Variants in SLC22A8 observed in about 807,000 individuals in gnomAD.
SLC22A8 encodes the protein organic anion transporter 3.
SLC22A8 carries 40 observed loss-of-function variants against 48.4 expected under a neutral mutation model. That is an observed-to-expected ratio of 0.83 (90% CI 0.64 to 1.08). The LOEUF (loss-of-function observed/expected upper bound fraction) is 1.08, where lower values mean the gene tolerates loss of function less well. Ranked by LOEUF, SLC22A8 falls within the 50% of genes least tolerant of loss-of-function variation. SLC22A8 has a pLI of 0.00. For synonymous variants in SLC22A8, 268 were observed against 286.3 expected (o/e 0.94, Z 0.65); for missense variants, 606 against 699.0 (o/e 0.87, Z 1.50).
At chr11:63,009,419 G>A (rs920096353) in intron 2 of SLC22A8, among the ~76,000 whole-genome samples, 3 of 152,098 alleles carry the variant, frequency 2.0e-5, no homozygotes, top group Non-Finnish European at 2.9e-5. Flanking sequence ...AGACAAGGCA[G>A]GGAGGCTCAA....
intron 8 of SLC22A8, 162 bp downstream of exon 8, chr11:62,994,380 C>A: frequency 1.6e-6 from 1 of 619,204 alleles, no homozygotes; most frequent in Non-Finnish European, 2.9e-6. Context: ...TGTCATCTAG[C>A]CCAATTGCGT....
At chr11:62,994,819 T>C in intron 7 of SLC22A8, 63 bp from the exon 8 acceptor site, 1 of 1,232,764 alleles carries the variant, frequency 8.1e-7, no homozygotes, top group East Asian at 2.3e-5. Flanking sequence ...CCCATGCTGG[T>C]CATTGGGTCA....
intron 2 of SLC22A8, among the ~76,000 whole-genome samples, chr11:63,008,336 C>T (rs1318801411): frequency 6.6e-6 from 1 of 152,080 alleles, no homozygotes; most frequent in Non-Finnish European, 1.5e-5. Flanking sequence ...AGTTCAGGGG[C>T]CTTTTGGAGC....
intron 7 of SLC22A8, chr11:62,995,304 A>G (rs1458238029): frequency 4.0e-6 from 1 of 252,506 alleles, no homozygotes; most frequent in African/African-American, 2.2e-5. Context: ...TGAGATAAAC[A>G]TAATTTTTGT....
In SLC22A8 at chr11:62,999,712, T is replaced by A; in HGVS notation, c.568A>T (p.Ile190Phe). ...RFLCGFGISG[I>F]TLSTVILNVE... Reference sequence around the variant, plus strand: ...CTCAAGATGACGGTGCTCAGGGTAATGCCTGAGATGCCAAAGCCACACAGG... The same window carrying A: ...CTCAAGATGACGGTGCTCAGGGTAAAGCCTGAGATGCCAAAGCCACACAGG... The change falls in exon 4 of 11, where the codon ATT becomes TTT. Residue 190 changes from isoleucine (I) to phenylalanine (F), a missense_variant. Coordinates refer to ENST00000336232, the MANE Select transcript of SLC22A8 (RefSeq NM_004254.4). The A allele has an allele frequency of 6.3e-7, 1 of 1,598,074 alleles. No individual in the cohort carries two copies. Among genetic ancestry groups the A allele is most frequent in the South Asian group, 1.1e-5 (1 of 88,694 alleles).
At chr11:63,015,061 G>T in intron 1 of SLC22A8, 78 bp from the exon 2 acceptor site, 1 of 902,270 alleles carries the variant, frequency 1.1e-6, no homozygotes, top group Non-Finnish European at 1.7e-6. Flanking sequence ...TATGTGGGAG[G>T]GTGAACCAGG....
intron 2 of SLC22A8, 100 bp from the exon 3 acceptor site, chr11:63,000,923 G>A (rs970752028): frequency 7.9e-6 from 7 of 891,292 alleles, no homozygotes; most frequent in South Asian, 4.3e-5. Flanking sequence ...CTCTCCCAGC[G>A]CCCTGACTTT....
rs1346705811 is a variant in SLC22A8 at position 62,995,806 on chromosome 11, T to C, written c.899A>G (p.Asn300Ser). The change falls in exon 7 of 11, where the codon AAC becomes AGC. Residue 300 changes from asparagine (N) to serine (S), a missense_variant. Asn to Ser is a conservative substitution (Grantham distance 46, BLOSUM62 1). Transcript: ENST00000336232. ...ERLSLEELKL[N>S]LQKEISLAKA... ...GGCCAAGGAGATCTCCTTCTGCAGG[T>C]TGAGTTTGAGCTCCTTCGGGCAGAG... 3.1e-6 allele frequency: 5 copies of C among 1,613,686 alleles called. No individual in the cohort carries two copies. In the Admixed American group the frequency reaches 5.0e-5, roughly 16 times the overall value.
At chr11:63,008,799 C>T (rs765729637) in intron 2 of SLC22A8, among the ~76,000 whole-genome samples, 9 of 152,290 alleles carry the variant, frequency 5.9e-5, no homozygotes, top group Non-Finnish European at 1.3e-4. Flanking sequence ...TCTGTAAAAG[C>T]TTGACCCACC....
At position 62,996,088 on chromosome 11, in the gene SLC22A8, G is replaced by A; in HGVS notation, c.826C>T (p.Leu276Phe). ...CCATTGAAGACAGCCACCCGCCGGAGTATCTTCAGGGCCTTCGAGGACTTT... is the reference window on the plus strand; with the variant it reads ...CCATTGAAGACAGCCACCCGCCGGAATATCTTCAGGGCCTTCGAGGACTTT... ...SGKSSKALKI[L>F]RRVAVFNGKK... Residue 276 changes from leucine to phenylalanine, a missense_variant, in exon 6 of 11, where the codon CTC becomes TTC. Physicochemically the swap from Leu to Phe is conservative, Grantham distance 22. Coordinates refer to ENST00000336232, the MANE Select transcript of SLC22A8 (RefSeq NM_004254.4). The A allele has an allele frequency of 6.2e-7, 1 of 1,614,046 alleles. No homozygotes were observed. The highest frequency in any genetic ancestry group is 1.7e-4 in the Middle Eastern group (1 of 6,058).
chr11:62,999,199 G>A (rs1849473014), intron 4 of SLC22A8, 110 bp from the exon 5 acceptor site: 2 of 911,806 alleles, frequency 2.2e-6, no homozygotes, highest in Non-Finnish European at 3.5e-6. Flanking sequence ...CCTCCCCACG[G>A]ATGCTGTTGA....
intron 2 of SLC22A8, among the ~76,000 whole-genome samples, chr11:63,005,700 G>A (rs1167477109): frequency 6.6e-6 from 1 of 152,136 alleles, no homozygotes; most frequent in South Asian, 2.1e-4. Flanking sequence ...GGACTGATGC[G>A]TCTACAAGCT....
At chr11:63,010,151 T>C (rs1428217171) in intron 2 of SLC22A8, among the ~76,000 whole-genome samples, 1 of 152,226 alleles carries the variant, frequency 6.6e-6, no homozygotes, top group African/African-American at 2.4e-5. Context: ...CTGGGCTCAG[T>C]ACTGTGCTTG....
intron 7 of SLC22A8, 56 bp from the exon 8 acceptor site, chr11:62,994,812 A>G (rs2135116619): frequency 1.5e-6 from 2 of 1,342,196 alleles, no homozygotes; most frequent in East Asian, 4.6e-5. Flanking sequence ...GCCACTCCCC[A>G]TGCTGGTCAT....
chr11:62,998,247 C>T (rs530211032), intron 5 of SLC22A8, among the ~76,000 whole-genome samples: 23 of 150,276 alleles, frequency 1.5e-4, no homozygotes, highest in East Asian at 5.8e-4. Flanking sequence ...CCACCGTGCC[C>T]GGCCAGCTCT....
At chr11:63,000,060 G>A (rs906924528) in intron 3 of SLC22A8, among the ~76,000 whole-genome samples, 3 of 152,174 alleles carry the variant, frequency 2.0e-5, no homozygotes, top group Non-Finnish European at 2.9e-5. Flanking sequence ...CTCTACATCC[G>A]CCTCAGCTTA....
intron 4 of SLC22A8, 75 bp from the exon 5 acceptor site, chr11:62,999,164 T>G (rs1425228412): frequency 1.5e-6 from 2 of 1,320,044 alleles, no homozygotes; most frequent in African/African-American, 2.9e-5. Context: ...GGCACCAGCT[T>G]CTGCATCCCC....
chr11:63,000,831 A>G lies in SLC22A8; in HGVS notation c.334-8T>C, dbSNP rs377358908. ...GTTGCACACCAAGTCCCACTGCACA[A>G]GAGAAAGGTAGGGCTAGCCTAACTC... is the stretch of plus-strand genomic sequence containing the variant. On this transcript the variant is annotated splice_region_variant and splice_polypyrimidine_tract_variant and intron_variant, in intron 2 of 10. Transcript: ENST00000336232. 31 of 1,606,186 alleles carry G rather than the reference A, an allele frequency of 1.9e-5. No homozygotes were observed. In the African/African-American group the frequency reaches 3.7e-4, roughly 19 times the overall value.
chr11:63,009,581 C>T (rs2086594823), intron 2 of SLC22A8, among the ~76,000 whole-genome samples: 1 of 152,188 alleles, frequency 6.6e-6, no homozygotes, highest in Non-Finnish European at 1.5e-5. Flanking sequence ...ATTCGTGTTC[C>T]CATGCTTTCT....
Sources: gnomAD v4.1 joint callset for allele counts (sites outside exome capture counted in the v4.1 genomes callset) on GRCh38, gnomAD v4.1.1 for gene constraint, MANE v1.5 for transcripts, NCBI Gene and HGNC (gene_info 2026-07-23, HGNC 2026-07-21) for gene names.